Variants in CCDC7 observed in about 807,000 individuals in gnomAD.
CCDC7 encodes coiled-coil domain containing 7, also known as coiled-coil domain-containing protein 7.
Under a neutral mutation model 196.9 loss-of-function variants are expected in CCDC7, and 183 were observed. The ratio of observed to expected loss-of-function variants is 0.93; its 90% confidence interval spans 0.82 to 1.05. CCDC7 has a LOEUF of 1.05. Among genes scored for constraint, CCDC7 ranks in the 50% least tolerant of loss-of-function variants. The probability of loss-of-function intolerance (pLI) is 0.00; values close to 1 mark genes in which losing one functional copy is unlikely to be tolerated. For synonymous variants in CCDC7, 525 were observed against 484.6 expected (o/e 1.08, Z -1.10); for missense variants, 1,540 against 1,482.2 (o/e 1.04, Z -0.64).
At chr10:32,559,932 T>C (rs1467043626) in intron 13 of CCDC7, among the ~76,000 whole-genome samples, 1 of 152,136 alleles carries the variant, frequency 6.6e-6, no homozygotes, top group Non-Finnish European at 1.5e-5. Flanking sequence ...GAAAAAAATT[T>C]AGACGAATGT....
chr10:32,704,356 T>A (rs1198408699), intron 24 of CCDC7, among the ~76,000 whole-genome samples: 1 of 152,082 alleles, frequency 6.6e-6, no homozygotes, highest in Non-Finnish European at 1.5e-5. Context: ...TGCTGCCTGA[T>A]CGTTCCTCTG....
At chr10:32,822,308 T>C (rs943146661) in intron 31 of CCDC7, among the ~76,000 whole-genome samples, 6 of 152,212 alleles carry the variant, frequency 3.9e-5, no homozygotes, top group Non-Finnish European at 7.4e-5. Context: ...AATTGTATCA[T>C]TGGGCATATA....
chr10:32,691,127 CCTAA>C (rs1176610255), intron 23 of CCDC7, among the ~76,000 whole-genome samples: 1 of 152,126 alleles, frequency 6.6e-6, no homozygotes, highest in African/African-American at 2.4e-5. Context: ...GGGATCTTGG[CCTAA>C]CTCTTAATTT....
chr10:32,446,177 G>A (rs1464881765), exon 1 of CCDC7: 1 of 152,184 alleles, frequency 6.6e-6, no homozygotes, highest in Non-Finnish European at 1.5e-5. Context: ...GTGCCCGGCG[G>A]TCTTTGCTGC....
chr10:32,607,342 A>T (rs2061653876), intron 18 of CCDC7, among the ~76,000 whole-genome samples: 1 of 152,196 alleles, frequency 6.6e-6, no homozygotes, highest in Non-Finnish European at 1.5e-5. Flanking sequence ...GAATGGCCTA[A>T]CACATTATGA....
At chr10:32,583,448 A>G (rs1032631087) in intron 17 of CCDC7, 141 bp downstream of exon 18, 1 of 458,984 alleles carries the variant, frequency 2.2e-6, no homozygotes, top group East Asian at 3.6e-5. Context: ...AACACAACCC[A>G]CTTTATATTT....
At chr10:32,710,742 T>C (rs2080686392) in intron 24 of CCDC7, among the ~76,000 whole-genome samples, 1 of 152,196 alleles carries the variant, frequency 6.6e-6, no homozygotes. Flanking sequence ...GGGATCTGCA[T>C]GCTTTTTGCT....
chr10:32,697,800 C>T (rs1396194114), intron 24 of CCDC7, among the ~76,000 whole-genome samples: 2 of 152,202 alleles, frequency 1.3e-5, no homozygotes, highest in Non-Finnish European at 2.9e-5. Flanking sequence ...ACGTCCCTGT[C>T]TGACAGCTTT....
intron 25 of CCDC7, chr10:32,725,349 A>G (rs1332869315): frequency 2.1e-6 from 1 of 470,990 alleles, no homozygotes; most frequent in Admixed American, 2.3e-5. Context: ...ATTTCTTTGC[A>G]GTCTGCCCCC....
chr10:32,466,815 T>C (rs2036895304), intron 5 of CCDC7, among the ~76,000 whole-genome samples: 1 of 152,188 alleles, frequency 6.6e-6, no homozygotes, highest in Admixed American at 6.5e-5. Flanking sequence ...GGTCAAATGG[T>C]AGTTCTGTTT....
intron 32 of CCDC7, among the ~76,000 whole-genome samples, chr10:32,832,482 GA>G (rs1055374706): frequency 2.0e-5 from 3 of 151,344 alleles, no homozygotes; most frequent in East Asian, 3.9e-4. Context: ...CATCTTGGGG[GA>G]AAAAAAACCC....
intron 14 of CCDC7, among the ~76,000 whole-genome samples, chr10:32,566,603 A>G (rs549218705): frequency 3.5e-4 from 53 of 152,194 alleles, no homozygotes; most frequent in African/African-American, 1.1e-3. Context: ...AGTAGGACCC[A>G]ATTTAGATAA....
chr10:32,868,562 A>T (rs563868521), intron 41 of CCDC7, among the ~76,000 whole-genome samples: 59 of 151,926 alleles, frequency 3.9e-4, no homozygotes, highest in African/African-American at 1.2e-3. Context: ...AGCATTTATC[A>T]GCACATTATT....
At chr10:32,474,207 A>AATC (rs2038515365) in intron 8 of CCDC7, among the ~76,000 whole-genome samples, 184 bp downstream of exon 9, 4 of 107,028 alleles carry the variant, frequency 3.7e-5, no homozygotes, top group East Asian at 4.0e-4. Flanking sequence ...CTGAAACTAG[A>AATC]TTCTTTTTTT....
chr10:32,619,394 TAA>T (rs1262606725), intron 18 of CCDC7, among the ~76,000 whole-genome samples: 1 of 152,050 alleles, frequency 6.6e-6, no homozygotes, highest in Non-Finnish European at 1.5e-5. Flanking sequence ...AATAATGTAT[TAA>T]AATTATGATG....
At chr10:32,460,765 T>C (rs1487475618) in intron 3 of CCDC7, among the ~76,000 whole-genome samples, 2 of 152,198 alleles carry the variant, frequency 1.3e-5, no homozygotes, top group African/African-American at 4.8e-5. Context: ...TCTCAGACTT[T>C]AGCATGCAAA....
chr10:32,532,100 C>T lies in CCDC7; in HGVS notation c.994-11200C>T, dbSNP rs188754857. Among the ~76,000 whole-genome samples the T allele has an allele frequency of 6.8e-3, 1,028 of 151,652 alleles. 4 individuals are homozygous for T. The highest frequency in any genetic ancestry group is 0.011 in the Non-Finnish European group (767 of 67,848). On this transcript the variant is annotated intron_variant, in intron 11 of 41. Transcript: ENST00000639629. ...TTATTTTGGGTTTGATTTCTTTTTC[C>T]TTTTGTAGTTCCTTGAGGTTCATCA...
chr10:32,808,762 A>G (rs1485068670), intron 30 of CCDC7, among the ~76,000 whole-genome samples: 1 of 152,100 alleles, frequency 6.6e-6, no homozygotes, highest in East Asian at 1.9e-4. Context: ...GGCAGCATCC[A>G]CTAGCAACTA....
intron 18 of CCDC7, among the ~76,000 whole-genome samples, chr10:32,606,989 G>C (rs1308566644): frequency 6.6e-6 from 1 of 152,158 alleles, no homozygotes; most frequent in East Asian, 1.9e-4. Context: ...ATGTTGAAAC[G>C]TAAACCCCAA....
Sources: allele counts gnomAD v4.1 joint callset (sites outside exome capture counted in the v4.1 genomes callset), GRCh38; gene constraint gnomAD v4.1.1; transcripts MANE v1.5; gene names NCBI Gene and HGNC (gene_info 2026-07-23, HGNC 2026-07-21).